Variants in FNDC3A observed in about 807,000 individuals in gnomAD.
FNDC3A encodes the protein fibronectin type III domain containing 3A.
In FNDC3A, 32 loss-of-function variants were observed where a neutral mutation model predicts 148.9. That is an observed-to-expected ratio of 0.21 (90% CI 0.16 to 0.29). The LOEUF (loss-of-function observed/expected upper bound fraction) is 0.29. Ranked by LOEUF, FNDC3A falls within the 10% of genes least tolerant of loss-of-function variation. The pLI is 1.00. For synonymous variants in FNDC3A, 472 were observed against 473.6 expected, an observed-to-expected ratio of 1.00 and a Z score of 0.04; for missense variants, 1,191 against 1,452.8, an observed-to-expected ratio of 0.82 and a Z score of 2.93.
chr13:49,171,588 T>C (rs1336656932), intron 10 of FNDC3A, among the ~76,000 whole-genome samples: 5 of 152,126 alleles, frequency 3.3e-5, no homozygotes, highest in Non-Finnish European at 7.4e-5. Flanking sequence ...GCACAGTGAG[T>C]ATAGAAACAA....
intron 2 of FNDC3A, among the ~76,000 whole-genome samples, chr13:49,053,148 C>G (rs1270062262): frequency 6.6e-6 from 1 of 152,172 alleles, no homozygotes; most frequent in Non-Finnish European, 1.5e-5. Flanking sequence ...AGATCATGAG[C>G]CTCCCCATTC....
At chr13:49,038,642 A>G (rs891124041) in intron 2 of FNDC3A, among the ~76,000 whole-genome samples, 2 of 152,232 alleles carry the variant, frequency 1.3e-5, no homozygotes, top group African/African-American at 2.4e-5. Flanking sequence ...TTATTTGTAA[A>G]TATTGGGAAC....
At chr13:49,076,649 A>AACCAGACTGGG (rs1452145391) in intron 3 of FNDC3A, among the ~76,000 whole-genome samples, 1 of 151,972 alleles carries the variant, frequency 6.6e-6, no homozygotes, top group African/African-American at 2.4e-5. Context: ...ATGTACTCTA[A>AACCAGACTGGG]ACCAGCCTGG....
At chr13:48,992,199 A>T (rs999205004) in intron 1 of FNDC3A, among the ~76,000 whole-genome samples, 3 of 152,220 alleles carry the variant, frequency 2.0e-5, no homozygotes, top group African/African-American at 7.2e-5. Context: ...TAAAACTATG[A>T]AATTTCTTAA....
At position 49,197,735 on chromosome 13, in the gene FNDC3A, G is replaced by C. The variant is rs147981965; in HGVS notation, c.2351G>C (p.Ser784Thr). The C allele has an allele frequency of 3.0e-5, 48 of 1,603,886 alleles. No individual in the cohort carries two copies. The highest frequency in any genetic ancestry group is 3.7e-5 in the Non-Finnish European group (44 of 1,177,678). ...TTTCTTAATTTAAAGGTTCCTTTGA[G>C]TAATGGAACAGATGTCACTGAATAT... is the stretch of plus-strand genomic sequence containing the variant. Reference protein sequence around the residue: ...CAQVNWEVPLSNGTDVTEYRL... With the variant: ...CAQVNWEVPLTNGTDVTEYRL... The change falls in exon 21 of 26, where the codon AGT (serine) becomes ACT (threonine). Residue 784 changes from serine to threonine, a missense_variant. Coordinates refer to ENST00000492622, the MANE Select transcript of FNDC3A (RefSeq NM_001079673.2).
At chr13:49,124,856 T>C (rs539988538) in intron 4 of FNDC3A, among the ~76,000 whole-genome samples, 1 of 152,284 alleles carries the variant, frequency 6.6e-6, no homozygotes, top group African/African-American at 2.4e-5. Context: ...CCTAAGAGCA[T>C]TGTATTGCAG....
intron 10 of FNDC3A, among the ~76,000 whole-genome samples, chr13:49,169,750 A>G (rs927200698): frequency 1.3e-5 from 2 of 152,156 alleles, no homozygotes; most frequent in Non-Finnish European, 2.9e-5. Context: ...GGGGCTTACT[A>G]CTTGTTCTGT....
At chr13:49,104,714 G>C (rs538074216) in intron 3 of FNDC3A, among the ~76,000 whole-genome samples, 8 of 152,138 alleles carry the variant, frequency 5.3e-5, no homozygotes, top group Non-Finnish European at 1.2e-4. Context: ...CTAGGGGATA[G>C]GGAGCAAGAA....
At chr13:49,073,834 ATG>A (rs1566232903) in intron 2 of FNDC3A, among the ~76,000 whole-genome samples, 1 of 147,190 alleles carries the variant, frequency 6.8e-6, no homozygotes, top group African/African-American at 2.5e-5. Flanking sequence ...TATTATATAT[ATG>A]TGTGTATATG....
At position 49,126,530 on chromosome 13, in the gene FNDC3A, A is replaced by G. The variant is rs905534481; in HGVS notation, c.253-4607A>G. Among the ~76,000 whole-genome samples the G allele has an allele frequency of 7.2e-5, 11 of 152,200 alleles. No individual in the cohort carries two copies. The East Asian group carries it at 1.9e-3, about 27-fold the overall frequency. On this transcript the variant is annotated intron_variant, in intron 4 of 25. Coordinates refer to ENST00000492622, the MANE Select transcript of FNDC3A (RefSeq NM_001079673.2). The stretch of plus-strand genomic sequence containing the variant: ...CAGAAAAGTGGTTTTAATTTCATAA[A>G]TAATTTAGCCATTTATTTTTAATCA...
chr13:49,040,168 A>G (rs1020907461), intron 2 of FNDC3A, among the ~76,000 whole-genome samples: 1 of 152,234 alleles, frequency 6.6e-6, no homozygotes, highest in African/African-American at 2.4e-5. Context: ...TACCAAAGAC[A>G]TGTTTTAAGC....
chr13:49,203,905 C>A (rs950033423), intron 25 of FNDC3A, among the ~76,000 whole-genome samples: 21 of 152,086 alleles, frequency 1.4e-4, no homozygotes, highest in Non-Finnish European at 2.8e-4. Context: ...TATGGAGTGA[C>A]GTAAGGCATA....
chr13:49,027,223 A>G (rs557002494), intron 2 of FNDC3A, among the ~76,000 whole-genome samples: 33 of 152,330 alleles, frequency 2.2e-4, no homozygotes, highest in African/African-American at 7.9e-4. Context: ...GGAGTAAGAA[A>G]GGACGTTGAG....
intron 3 of FNDC3A, among the ~76,000 whole-genome samples, chr13:49,089,084 G>C (rs1489194798): frequency 6.6e-6 from 1 of 152,096 alleles, no homozygotes; most frequent in Non-Finnish European, 1.5e-5. Flanking sequence ...TTTAGTTTTG[G>C]AAGATGAAAA....
At chr13:49,154,002 G>A (rs1274947255) in intron 8 of FNDC3A, among the ~76,000 whole-genome samples, 1 of 126,918 alleles carries the variant, frequency 7.9e-6, no homozygotes, top group Admixed American at 8.6e-5. Flanking sequence ...GGCGATGCGG[G>A]CTCTTTTTTG....
At chr13:49,107,327 AAG>A (rs970695075) in intron 3 of FNDC3A, among the ~76,000 whole-genome samples, 13 of 152,198 alleles carry the variant, frequency 8.5e-5, no homozygotes, top group African/African-American at 3.1e-4. Context: ...AGTTTGAGAA[AAG>A]AGTGGTAGCT....
At chr13:49,178,711 G>A (rs1200360095) in intron 14 of FNDC3A, 57 bp downstream of exon 14, 3 of 966,672 alleles carry the variant, frequency 3.1e-6, no homozygotes, top group Non-Finnish European at 4.6e-6. Flanking sequence ...TACTGGTGTG[G>A]TGGGGTTCTT....
At chr13:49,096,464 G>A (rs530899799) in intron 3 of FNDC3A, among the ~76,000 whole-genome samples, 4 of 152,034 alleles carry the variant, frequency 2.6e-5, no homozygotes, top group East Asian at 1.9e-4. Context: ...GTAATCCTTC[G>A]ATATTTTTGG....
intron 8 of FNDC3A, among the ~76,000 whole-genome samples, chr13:49,165,533 C>G (rs1456702798): frequency 1.3e-5 from 2 of 152,202 alleles, no homozygotes; most frequent in Middle Eastern, 3.4e-3. Flanking sequence ...GTGAGGTGGG[C>G]CTGTCCTCGG....
Sources: gnomAD v4.1 joint callset for allele counts (sites outside exome capture counted in the v4.1 genomes callset) on GRCh38, gnomAD v4.1.1 for gene constraint, MANE v1.5 for transcripts, NCBI Gene and HGNC (gene_info 2026-07-23, HGNC 2026-07-21) for gene names.